The following ADRA1A variants were observed in gnomAD, a reference collection of about 807,000 sequenced individuals.
ADRA1A encodes the protein alpha-1A adrenergic receptor.
Under a neutral mutation model 29.6 loss-of-function variants are expected in ADRA1A, and 31 were observed. The ratio of observed to expected loss-of-function variants is 1.05; its 90% CI spans 0.79 to 1.41. The LOEUF (loss-of-function observed/expected upper bound fraction) is 1.41, where lower values mean the gene tolerates loss of function less well. Ranked by LOEUF, ADRA1A falls within the 40% of genes most tolerant of loss-of-function variation. The pLI is 0.00. For missense variants in ADRA1A, 619 were observed against 601.1 expected, an observed-to-expected ratio of 1.03 and a Z score of -0.31; for synonymous variants, 311 against 254.3, an observed-to-expected ratio of 1.22 and a Z score of -2.12.
chr8:26,768,647 C>T (rs897549417), downstream of ADRA1A, among the ~76,000 whole-genome samples: 2 of 152,144 alleles, frequency 1.3e-5, no homozygotes, highest in African/African-American at 4.8e-5. Flanking sequence ...TCAGGCTATG[C>T]ATATGAGGTG....
chr8:26,824,710 G>A (rs1810423143), intron 2 of ADRA1A, among the ~76,000 whole-genome samples: 1 of 152,044 alleles, frequency 6.6e-6, no homozygotes, highest in Non-Finnish European at 1.5e-5. Flanking sequence ...TGCTTTCTGA[G>A]CCAAGTGAAA....
intron 2 of ADRA1A, among the ~76,000 whole-genome samples, chr8:26,863,871 C>G (rs976075373): frequency 6.6e-6 from 1 of 152,056 alleles, no homozygotes; most frequent in Non-Finnish European, 1.5e-5. Flanking sequence ...ACTTTACAGT[C>G]GAAAAAGTGC....
chr8:26,755,165 A>C (rs1277991429), downstream of ADRA1A, among the ~76,000 whole-genome samples: 1 of 150,844 alleles, frequency 6.6e-6, no homozygotes, highest in African/African-American at 2.4e-5. Flanking sequence ...GCAAATATTT[A>C]TTTGTATGAA....
chr8:26,840,206 A>AACTGG (rs1285195177), intron 2 of ADRA1A, among the ~76,000 whole-genome samples: 11 of 152,358 alleles, frequency 7.2e-5, no homozygotes, highest in African/African-American at 2.4e-4. Context: ...CAGAAGTCAC[A>AACTGG]ACTGGATGCA....
At position 26,805,805 on chromosome 8, in the gene ADRA1A, C is replaced by T. The variant is rs1289367090; in HGVS notation, c.884-35139G>A. Among the ~76,000 whole-genome samples, 2 of 152,148 alleles carry T rather than the reference C, an allele frequency of 1.3e-5. No homozygotes were observed. Among genetic ancestry groups the T allele is most frequent in the African/African-American group, 4.8e-5 (2 of 41,430 alleles). On this transcript the variant is annotated intron_variant, in intron 2 of 2. Coordinates refer to ENST00000380573, the MANE Select transcript of ADRA1A (RefSeq NM_000680.4). This position sits in a 1 kb window ranked among gnomAD's most constrained non-coding sequence, Gnocchi z 4.8. ...CTTCAGTAAGCTCATTACTTGAACA[C>T]ATTTATTTTTAACCATTTTCCCCCC...
downstream of ADRA1A, among the ~76,000 whole-genome samples, chr8:26,754,977 TTTGTTGTTG>T (rs550583851): frequency 2.0e-5 from 3 of 152,116 alleles, no homozygotes; most frequent in Non-Finnish European, 4.4e-5. Context: ...GTTTTTTCTT[TTTGTTGTTG>T]TTGTTGTTGT....
intron 2 of ADRA1A, among the ~76,000 whole-genome samples, chr8:26,750,484 G>A (rs1175865314): frequency 6.6e-6 from 1 of 152,178 alleles, no homozygotes; most frequent in Non-Finnish European, 1.5e-5. Flanking sequence ...TTACAGGCAT[G>A]AGCCACCACA....
chr8:26,765,383 A>C (rs1805719409), downstream of ADRA1A, among the ~76,000 whole-genome samples: 3 of 152,176 alleles, frequency 2.0e-5, no homozygotes. Flanking sequence ...CACAGTGATC[A>C]TCTCCACTCA....
chr8:26,861,732 A>G (rs1813483432), intron 2 of ADRA1A, among the ~76,000 whole-genome samples: 1 of 152,142 alleles, frequency 6.6e-6, no homozygotes, highest in Non-Finnish European at 1.5e-5. Flanking sequence ...AGTTTTAGTG[A>G]AGTGCATTAC....
intron 2 of ADRA1A, among the ~76,000 whole-genome samples, chr8:26,843,860 C>T (rs530104441): frequency 8.3e-4 from 127 of 152,302 alleles, no homozygotes; most frequent in African/African-American, 2.8e-3. Flanking sequence ...ACAATGGCTG[C>T]AGAGACACAG....
At chr8:26,783,505 T>C (rs1807146216) in intron 2 of ADRA1A, among the ~76,000 whole-genome samples, 1 of 152,224 alleles carries the variant, frequency 6.6e-6, no homozygotes, top group Admixed American at 6.5e-5. Context: ...TAAAAAACTC[T>C]TCCGAAGGCC....
intron 2 of ADRA1A, among the ~76,000 whole-genome samples, chr8:26,788,583 G>A (rs1468573360): frequency 1.3e-5 from 2 of 152,112 alleles, no homozygotes; most frequent in African/African-American, 2.4e-5. Flanking sequence ...CCAGCAATGT[G>A]CTAAGTACTT....
chr8:26,766,637 G>A (rs549645909), downstream of ADRA1A, among the ~76,000 whole-genome samples: 19 of 152,106 alleles, frequency 1.2e-4, no homozygotes, highest in Admixed American at 7.2e-4. Flanking sequence ...ATGGGAAAAC[G>A]TTTACCCCCA....
intron 2 of ADRA1A, chr8:26,836,182 CA>C: frequency 4.0e-6 from 1 of 248,006 alleles, no homozygotes; most frequent in Non-Finnish European, 8.8e-6. Flanking sequence ...AAGCGTCTGT[CA>C]AAAGGGGCAG....
At chr8:26,853,670 C>T (rs557676845) in intron 2 of ADRA1A, 2 of 152,230 alleles carry the variant, frequency 1.3e-5, no homozygotes, top group African/African-American at 4.8e-5. Context: ...CTAACCATTT[C>T]AAAATAAATA....
At chr8:26,840,602 TC>T (rs1234130645) in intron 2 of ADRA1A, among the ~76,000 whole-genome samples, 10 of 152,026 alleles carry the variant, frequency 6.6e-5, no homozygotes, top group Non-Finnish European at 2.9e-5. Flanking sequence ...TTTTTTTTTT[TC>T]TTGCCCTGTG....
chr8:26,864,989 C>A lies in ADRA1A; in HGVS notation c.-20G>T, dbSNP rs527441244. On this transcript the variant is annotated 5_prime_UTR_variant, in exon 2 of 3. Coordinates refer to ENST00000380573, the MANE Select transcript of ADRA1A (RefSeq NM_000680.4). The surrounding 1 kb of genome is among the most constrained non-coding windows in gnomAD (Gnocchi z 8.1). ...CACCATGGTCCCAGCCGGGGCCGGGCGAGGTCCGGCTGTCCAGGGCCACCT... is the reference window on the plus strand; with the variant it reads ...CACCATGGTCCCAGCCGGGGCCGGGAGAGGTCCGGCTGTCCAGGGCCACCT... The A allele has an allele frequency of 1.9e-6, 3 of 1,572,870 alleles. No individual in the cohort carries two copies. The highest frequency in any genetic ancestry group is 1.7e-5 in the Admixed American group (1 of 57,960).
chr8:26,865,582 C>G lies in ADRA1A; in HGVS notation c.-613G>C, dbSNP rs541470834. 1 of 988,848 alleles carries G rather than the reference C, an allele frequency of 1.0e-6. No homozygotes were observed. The highest frequency in any genetic ancestry group is 4.7e-5 in the South Asian group (1 of 21,462). 61.3% of individuals were successfully genotyped at this position (988,848 alleles called of 1,614,324 possible). On this transcript the variant is annotated 5_prime_UTR_variant, in exon 2 of 3. Coordinates refer to ENST00000380573, the MANE Select transcript of ADRA1A (RefSeq NM_000680.4). This position sits in a 1 kb window ranked among gnomAD's most constrained non-coding sequence, Gnocchi z 7.6. ...CTGCTCTCTCCAGCTTCTAGGAGCA[C>G]AGGTCAGGGGACGTAGGTGTGGAAT...
At chr8:26,818,369 G>A (rs1809910790) in intron 2 of ADRA1A, among the ~76,000 whole-genome samples, 2 of 151,956 alleles carry the variant, frequency 1.3e-5, no homozygotes, top group South Asian at 4.2e-4. Flanking sequence ...GAATTCCATG[G>A]TATGTCACTA....
Sources: allele counts gnomAD v4.1 joint callset (sites outside exome capture counted in the v4.1 genomes callset), GRCh38; gene constraint gnomAD v4.1.1; non-coding constraint Gnocchi (gnomAD v3.1); transcripts MANE v1.5; gene names NCBI Gene and HGNC (gene_info 2026-07-23, HGNC 2026-07-21).